Variants in RCOR1 observed in about 807,000 individuals in gnomAD.
RCOR1 encodes REST corepressor 1.
In RCOR1, 12 loss-of-function variants were observed where a neutral mutation model predicts 64.0. The observed-to-expected ratio is 0.19, with a 90% CI of 0.12 to 0.30. RCOR1 has a LOEUF of 0.30. Ranked by LOEUF, RCOR1 falls within the 10% of genes least tolerant of loss-of-function variation. RCOR1 has a pLI of 1.00. For synonymous variants in RCOR1, 279 were observed against 227.2 expected, an observed-to-expected ratio of 1.23 and a Z score of -2.05; for missense variants, 502 against 621.2, an observed-to-expected ratio of 0.81 and a Z score of 2.04.
At chr14:102,683,581 C>T (rs775334279) in intron 3 of RCOR1, among the ~76,000 whole-genome samples, 6 of 152,342 alleles carry the variant, frequency 3.9e-5, no homozygotes, top group Middle Eastern at 6.8e-3. Flanking sequence ...AGCGGGGCTT[C>T]CCCGGGGGTC....
chr14:102,648,820 T>G (rs1280168639), intron 2 of RCOR1, among the ~76,000 whole-genome samples: 1 of 152,178 alleles, frequency 6.6e-6, no homozygotes, highest in Non-Finnish European at 1.5e-5. Context: ...CCTGAAAGCT[T>G]GGCCCAGACA....
intron 2 of RCOR1, among the ~76,000 whole-genome samples, chr14:102,621,095 G>A (rs2139899562): frequency 6.6e-6 from 1 of 152,196 alleles, no homozygotes; most frequent in Non-Finnish European, 1.5e-5. Context: ...TCAGCCTCCC[G>A]AGTAGCAGAG....
chr14:102,615,985 G>A (rs763696948), intron 2 of RCOR1, among the ~76,000 whole-genome samples: 1 of 152,098 alleles, frequency 6.6e-6, no homozygotes, highest in Non-Finnish European at 1.5e-5. Context: ...TACACTACCC[G>A]CTTAGAGATG....
intron 2 of RCOR1, among the ~76,000 whole-genome samples, chr14:102,648,974 A>AGATAGC (rs1313537430): frequency 1.3e-5 from 2 of 152,104 alleles, no homozygotes; most frequent in African/African-American, 2.4e-5. Context: ...AACAACCAAT[A>AGATAGC]GATAGCCTGA....
chr14:102,704,337 G>A (rs1025769784), intron 4 of RCOR1, among the ~76,000 whole-genome samples: 13 of 152,224 alleles, frequency 8.5e-5, no homozygotes, highest in Non-Finnish European at 1.6e-4. Context: ...GGCTCTAGAA[G>A]GTTGAGAGCA....
At chr14:102,703,453 C>T (rs975322448) in intron 4 of RCOR1, among the ~76,000 whole-genome samples, 3 of 152,154 alleles carry the variant, frequency 2.0e-5, no homozygotes, top group African/African-American at 7.2e-5. Context: ...TTGATAGCAG[C>T]AAGAGAGAAC....
At chr14:102,701,455 A>G (rs1895757721) in intron 4 of RCOR1, 125 bp downstream of exon 4, 3 of 631,592 alleles carry the variant, frequency 4.7e-6, no homozygotes, top group African/African-American at 3.9e-5. Context: ...GGTAATTACT[A>G]GTAGTGTTAC....
At chr14:102,611,229 G>A (rs564987331) in intron 2 of RCOR1, among the ~76,000 whole-genome samples, 1 of 152,064 alleles carries the variant, frequency 6.6e-6, no homozygotes, top group East Asian at 1.9e-4. Context: ...TCACCACCAC[G>A]CCTGGCTAAT....
At chr14:102,605,251 T>G (rs1453043827) in intron 2 of RCOR1, among the ~76,000 whole-genome samples, 3 of 151,946 alleles carry the variant, frequency 2.0e-5, no homozygotes, top group Non-Finnish European at 4.4e-5. Context: ...ACCGGTGAAA[T>G]GGGAGGTGGT....
chr14:102,642,132 C>G (rs1290698074), intron 2 of RCOR1, among the ~76,000 whole-genome samples: 5 of 152,122 alleles, frequency 3.3e-5, no homozygotes, highest in African/African-American at 9.7e-5. Flanking sequence ...TTACCTCTTT[C>G]CCTTTACTCC....
chr14:102,614,316 C>T (rs1893702954), intron 2 of RCOR1, among the ~76,000 whole-genome samples: 1 of 149,726 alleles, frequency 6.7e-6, no homozygotes, highest in African/African-American at 2.5e-5. Flanking sequence ...GCTCCGCTTC[C>T]TGGATTCACT....
intron 3 of RCOR1, among the ~76,000 whole-genome samples, chr14:102,686,507 G>T (rs1233006519): frequency 1.3e-5 from 2 of 152,130 alleles, no homozygotes; most frequent in African/African-American, 4.8e-5. Flanking sequence ...TATGTTCTGT[G>T]GATTCCGACA....
intron 2 of RCOR1, 104 bp downstream of exon 2, chr14:102,593,429 GT>G: frequency 8.1e-7 from 1 of 1,232,864 alleles, no homozygotes; most frequent in Non-Finnish European, 1.1e-6. Context: ...CTTTTTGTGC[GT>G]TCGCCCTGCC....
chr14:102,655,193 A>C (rs2139933993), intron 2 of RCOR1: 1 of 937,662 alleles, frequency 1.1e-6, no homozygotes, highest in East Asian at 1.2e-4. Context: ...ACAAAATTAA[A>C]AGATGCAAAA....
In RCOR1 at chr14:102,726,590, C is replaced by A; in HGVS notation, c.*84C>A. 8.9e-7 allele frequency: 1 copy of A among 1,127,132 alleles called. No homozygotes were observed. Among genetic ancestry groups the A allele is most frequent in the Non-Finnish European group, 1.3e-6 (1 of 764,604 alleles). 69.8% of individuals were successfully genotyped at this position (1,127,132 alleles called of 1,614,324 possible). A position where few individuals can be genotyped will look rare whatever the true frequency, so the allele number is the denominator to read the frequency against. ...TTATGAGACATCACCTAGCCATCTGCATCACATCTCTCTGGACAAGCAGCT... is the reference window on the plus strand; with the variant it reads ...TTATGAGACATCACCTAGCCATCTGAATCACATCTCTCTGGACAAGCAGCT... On this transcript the variant is annotated 3_prime_UTR_variant, in exon 12 of 12. Transcript: ENST00000262241.
Position 102,728,701 on chromosome 14 carries a change from AT to A in RCOR1, c.*2196del, listed in dbSNP as rs1896317678. 6.6e-6 allele frequency: 1 copy of A among 152,118 alleles called. No individual in the cohort carries two copies. Among genetic ancestry groups the A allele is most frequent in the African/African-American group, 2.4e-5 (1 of 41,414 alleles). 9.4% of individuals were successfully genotyped at this position (152,118 alleles called of 1,614,324 possible). ...CAGGCCTTGATCTGTATTCTGCACTATCCCTTTACTTGGTTCCTGGCACTGA... is the reference window on the plus strand; with the variant it reads ...CAGGCCTTGATCTGTATTCTGCACTACCCTTTACTTGGTTCCTGGCACTGA... On this transcript the variant is annotated 3_prime_UTR_variant, in exon 12 of 12. Transcript: ENST00000262241.
chr14:102,607,464 T>C (rs1416279139), intron 2 of RCOR1, among the ~76,000 whole-genome samples: 1 of 152,178 alleles, frequency 6.6e-6, no homozygotes, highest in Non-Finnish European at 1.5e-5. Flanking sequence ...GACTATTTTT[T>C]GGCCAGGTGT....
chr14:102,664,302 C>G (rs1894877287), intron 2 of RCOR1, among the ~76,000 whole-genome samples: 1 of 151,772 alleles, frequency 6.6e-6, no homozygotes, highest in Non-Finnish European at 1.5e-5. Flanking sequence ...TTTAGTAGAG[C>G]CAGGTTTTCA....
At chr14:102,611,234 G>C (rs530902706) in intron 2 of RCOR1, among the ~76,000 whole-genome samples, 15 of 152,146 alleles carry the variant, frequency 9.9e-5, no homozygotes, top group African/African-American at 3.6e-4. Flanking sequence ...ACCACGCCTG[G>C]CTAATTTTTT....
Sources: gnomAD v4.1 joint callset for allele counts (sites outside exome capture counted in the v4.1 genomes callset) on GRCh38, gnomAD v4.1.1 for gene constraint, MANE v1.5 for transcripts, NCBI Gene and HGNC (gene_info 2026-07-23, HGNC 2026-07-21) for gene names.